The following PCDHB14 variants were observed in gnomAD, a reference collection of about 807,000 sequenced individuals.
PCDHB14 encodes the protein protocadherin beta 14, also known as protocadherin beta-14.
For missense variants in PCDHB14, 1,129 were observed against 1,000.5 expected (o/e 1.13, Z -1.73); for synonymous variants, 511 against 441.5 (o/e 1.16, Z -1.97).
rs199917826 is a variant in PCDHB14, at chr5:141,225,354, G to C, written c.1849G>C (p.Val617Leu). Residue 617 changes from valine to leucine, a missense_variant, in exon 1 of 1, where the codon GTG becomes CTG. Val to Leu is a conservative substitution (Grantham distance 32, BLOSUM62 1). Coordinates refer to ENST00000239449, the MANE Select transcript of PCDHB14 (RefSeq NM_018934.4). Reference protein sequence around the residue: ...LKATEPGLFGVWAHNGEVRTA... With the variant: ...LKATEPGLFGLWAHNGEVRTA... ...GGCCACGGAGCCCGGGCTGTTCGGC[G>C]TGTGGGCGCACAATGGCGAGGTGCG... 3.1e-6 allele frequency: 5 copies of C among 1,603,410 alleles called. No individual in the cohort carries two copies. The South Asian group carries it at 5.5e-5, about 18-fold the overall frequency.
rs144410995 is a variant in PCDHB14, at chr5:141,224,714, A to G, written c.1209A>G (p.Leu403=). The change falls in exon 1 of 1, where the codon CTA becomes CTG. Residue 403 remains leucine, a synonymous_variant. Transcript: ENST00000239449. ...CGACCTTCAAGAACTTTTTCACTCT[A>G]GTTTCTGAAAAAGCACTGGACAGAG... is the stretch of plus-strand genomic sequence containing the variant. ...LKPTFKNFFT[L]VSEKALDRES... The G allele has an allele frequency of 8.7e-6, 14 of 1,613,960 alleles. No individual in the cohort carries two copies. The African/African-American group carries it at 1.1e-4, about 12-fold the overall frequency.
chr5:141,224,329 GA>G lies in PCDHB14; in HGVS notation c.829del (p.Ile277TyrfsTer27), dbSNP rs782739146. On this transcript the variant is annotated frameshift_variant, in exon 1 of 1. Coordinates refer to ENST00000239449, the MANE Select transcript of PCDHB14 (RefSeq NM_018934.4). LOFTEE classifies it low-confidence loss of function (END_TRUNC). ...AAGGATCTGGATGCAGGAAACTATG[GA>G]AAAATATCTTACACATTTTTCCATG... is the stretch of plus-strand genomic sequence containing the variant. The part of the protein sequence containing the change: ...SAKDLDAGNY[G>X]KISYTFFHAS... The G allele has an allele frequency of 1.2e-6, 2 of 1,613,352 alleles. No homozygotes were observed. Among genetic ancestry groups the G allele is most frequent in the South Asian group, 2.2e-5 (2 of 90,946 alleles).
rs1554289104 is a variant in PCDHB14, at chr5:141,224,170, A to G, written c.665A>G (p.Lys222Arg). 2 of 1,614,110 alleles carry G rather than the reference A, an allele frequency of 1.2e-6. No homozygotes were observed. The highest frequency in any genetic ancestry group is 1.7e-6 in the Non-Finnish European group (2 of 1,180,032). Residue 222 changes from lysine (K) to arginine (R), a missense_variant, in exon 1 of 1, where the codon AAG (lysine) becomes AGG (arginine). Lys to Arg is a conservative substitution (Grantham distance 26). Transcript: ENST00000239449. ...GCAGTGGATGGTGGATCCCCGCCCA[A>G]GTCTGGGACAACTTTGGTTCTCATC... The part of the protein sequence containing the change: ...LTAVDGGSPP[K>R]SGTTLVLIKV...
At position 141,224,491 on chromosome 5, in the gene PCDHB14, G is replaced by A. The variant is rs781992834; in HGVS notation, c.986G>A (p.Gly329Glu). The part of the protein sequence containing the change: ...IQATDGGGLS[G>E]KCTLLVKVMD... ...GCAACAGATGGTGGGGGTCTTTCAG[G>A]AAAATGCACCCTTCTAGTTAAAGTT... The change falls in exon 1 of 1, where the codon GGA (glycine) becomes GAA (glutamate). Residue 329 changes from glycine to glutamate, a missense_variant. Gly to Glu is a moderately conservative substitution (Grantham distance 98, BLOSUM62 -2). Coordinates refer to ENST00000239449, the MANE Select transcript of PCDHB14 (RefSeq NM_018934.4). The A allele has an allele frequency of 1.1e-5, 17 of 1,613,378 alleles. No homozygotes were observed. The South Asian group carries it at 1.6e-4, about 16-fold the overall frequency.
chr5:141,224,467 C>G lies in PCDHB14; in HGVS notation c.962C>G (p.Ala321Gly). The stretch of plus-strand genomic sequence containing the variant: ...CAGTCCTACACTATAAATATTCAGG[C>G]AACAGATGGTGGGGGTCTTTCAGGA... ...VIQSYTINIQATDGGGLSGKC... is the reference protein window; with the variant it reads ...VIQSYTINIQGTDGGGLSGKC... Residue 321 changes from alanine (A) to glycine (G), a missense_variant, in exon 1 of 1, where the codon GCA (alanine) becomes GGA (glycine). Transcript: ENST00000239449. 1.9e-6 allele frequency: 3 copies of G among 1,612,280 alleles called. No individual in the cohort carries two copies. The highest frequency in any genetic ancestry group is 2.5e-6 in the Non-Finnish European group (3 of 1,179,306).
rs142548755 is a variant in PCDHB14, at chr5:141,225,069, G to C, written c.1564G>C (p.Glu522Gln). ...HLFALRSLDY[E>Q]ALQEFEFRVG... ...GTTTGCCCTCAGGTCGCTGGACTACGAGGCCCTACAGGAGTTCGAGTTTCG... is the reference window on the plus strand; with the variant it reads ...GTTTGCCCTCAGGTCGCTGGACTACCAGGCCCTACAGGAGTTCGAGTTTCG... The change falls in exon 1 of 1, where the codon GAG becomes CAG. Residue 522 changes from glutamate (E) to glutamine (Q), a missense_variant. By Grantham distance (29) the Glu-to-Gln change is conservative (BLOSUM62 2). Coordinates refer to ENST00000239449, the MANE Select transcript of PCDHB14 (RefSeq NM_018934.4). 1,286 of 1,612,418 alleles carry C rather than the reference G, an allele frequency of 8.0e-4. 6 individuals carry two copies. In the African/African-American group the frequency reaches 0.016, roughly 20 times the overall value.
In PCDHB14 at chr5:141,224,703, T is replaced by G; in HGVS notation, c.1198T>G (p.Phe400Val). 1 of 1,614,094 alleles carries G rather than the reference T, an allele frequency of 6.2e-7. No homozygotes were observed. Among genetic ancestry groups the G allele is most frequent in the South Asian group, 1.1e-5 (1 of 91,076 alleles). The change falls in exon 1 of 1, where the codon TTT (phenylalanine) becomes GTT (valine). Residue 400 changes from phenylalanine to valine, a missense_variant. Coordinates refer to ENST00000239449, the MANE Select transcript of PCDHB14 (RefSeq NM_018934.4). ...TTTCCTGAAACCGACCTTCAAGAAC[T>G]TTTTCACTCTAGTTTCTGAAAAAGC... is the stretch of plus-strand genomic sequence containing the variant. ...PFFLKPTFKN[F>V]FTLVSEKALD...
rs143061094 is a variant in PCDHB14 at position 141,223,667 on chromosome 5, G to T, written c.162G>T (p.Leu54=). Residue 54 remains leucine (L), a synonymous_variant, in exon 1 of 1, where the codon CTG becomes CTT. Transcript: ENST00000239449. ...FVANLARDLG[L]GVEELSSREA... ...CTAATCTAGCGAGGGACCTAGGGCTGGGGGTGGAGGAGCTGTCTTCACGTG... is the reference window on the plus strand; with the variant it reads ...CTAATCTAGCGAGGGACCTAGGGCTTGGGGTGGAGGAGCTGTCTTCACGTG... The T allele has an allele frequency of 6.2e-7, 1 of 1,614,118 alleles. No individual in the cohort carries two copies. The highest frequency in any genetic ancestry group is 8.5e-7 in the Non-Finnish European group (1 of 1,179,988).
In PCDHB14 at chr5:141,226,214, G is replaced by T; in HGVS notation, c.*312G>T. 1 of 259,520 alleles carries T rather than the reference G, an allele frequency of 3.9e-6. No homozygotes were observed. The highest frequency in any genetic ancestry group is 8.0e-5 in the South Asian group (1 of 12,440). 16.1% of individuals were successfully genotyped at this position (259,520 alleles called of 1,614,324 possible). A position where few individuals can be genotyped will look rare whatever the true frequency, so the allele number is the denominator to read the frequency against. ...GGATATGCAAACTAAAGTATTAAGA[G>T]CTAATGTCATTATATATGTAACTTA... On this transcript the variant is annotated 3_prime_UTR_variant, in exon 1 of 1. Transcript: ENST00000239449.
Position 141,225,105 on chromosome 5 carries a change from A to T in PCDHB14, c.1600A>T (p.Thr534Ser). The part of the protein sequence containing the change: ...LQEFEFRVGA[T>S]DRGSPALSSE... ...GGAGTTCGAGTTTCGCGTGGGCGCC[A>T]CAGACCGCGGGTCCCCGGCGTTGAG... Residue 534 changes from threonine (T) to serine (S), a missense_variant, in exon 1 of 1, where the codon ACA (threonine) becomes TCA (serine). By Grantham distance (58) the Thr-to-Ser change is moderately conservative. Transcript: ENST00000239449. 4 of 1,612,096 alleles carry T rather than the reference A, an allele frequency of 2.5e-6. No homozygotes were observed. Among genetic ancestry groups the T allele is most frequent in the Non-Finnish European group, 3.4e-6 (4 of 1,179,846 alleles).
Position 141,223,612 on chromosome 5 carries a change from C to T in PCDHB14, c.107C>T (p.Ala36Val). The change falls in exon 1 of 1, where the codon GCA becomes GTA. Residue 36 changes from alanine (A) to valine (V), a missense_variant. Ala to Val is a moderately conservative substitution (Grantham distance 64). Coordinates refer to ENST00000239449, the MANE Select transcript of PCDHB14 (RefSeq NM_018934.4). ...ACTGAATCTGCACACTATTCTGTGGCAGAGGAAACAGAAATTGGCTCTTTT... is the reference window on the plus strand; with the variant it reads ...ACTGAATCTGCACACTATTCTGTGGTAGAGGAAACAGAAATTGGCTCTTTT... The part of the protein sequence containing the change: ...AGTESAHYSV[A>V]EETEIGSFVA... The T allele has an allele frequency of 6.2e-7, 1 of 1,614,146 alleles. No individual in the cohort carries two copies.
rs113077866 is a variant in PCDHB14, at chr5:141,223,724, G to C, written c.219G>C (p.Lys73Asn). The C allele has an allele frequency of 5.0e-6, 8 of 1,614,062 alleles. No homozygotes were observed. In the African/African-American group the frequency reaches 9.3e-5, roughly 19 times the overall value. The change falls in exon 1 of 1, where the codon AAG (lysine) becomes AAC (asparagine). Residue 73 changes from lysine to asparagine, a missense_variant. By Grantham distance (94) the Lys-to-Asn change is moderately conservative (BLOSUM62 0). Coordinates refer to ENST00000239449, the MANE Select transcript of PCDHB14 (RefSeq NM_018934.4). Reference protein sequence around the residue: ...EARVVSDDNKKYLHLDLLTGN... With the variant: ...EARVVSDDNKNYLHLDLLTGN... ...GGGTAGTGTCTGATGATAATAAAAA[G>C]TATTTGCACCTTGATTTGCTGACTG...
rs1554289683 is a variant in PCDHB14 at position 141,226,891 on chromosome 5, C to T, written c.*989C>T. ...TGTTGTCCAGGCTAGAGAGTAGTGG[C>T]AGGATCTTGGCTCACTGCAGCCTCG... On this transcript the variant is annotated 3_prime_UTR_variant, in exon 1 of 1. Coordinates refer to ENST00000239449, the MANE Select transcript of PCDHB14 (RefSeq NM_018934.4). The T allele has an allele frequency of 1.3e-5, 2 of 152,224 alleles. No homozygotes were observed. The highest frequency in any genetic ancestry group is 2.4e-5 in the African/African-American group (1 of 41,440). The allele number at this position is 152,224 out of a possible 1,614,324, so 9.4% of individuals were successfully genotyped here. A position where few individuals can be genotyped will look rare whatever the true frequency, so the allele number is the denominator to read the frequency against.
rs1264667515 is a variant in PCDHB14, at chr5:141,224,071, A to G, written c.566A>G (p.Lys189Arg). The G allele has an allele frequency of 2.5e-6, 4 of 1,613,844 alleles. No homozygotes were observed. Among genetic ancestry groups the G allele is most frequent in the African/African-American group, 2.7e-5 (2 of 74,912 alleles). Reference protein sequence around the residue: ...YIKIPDSSDRKIYPELVLDRA... With the variant: ...YIKIPDSSDRRIYPELVLDRA... ...AAAATTCCCGACAGTAGTGACAGAA[A>G]GATATACCCAGAGCTGGTCCTAGAT... The change falls in exon 1 of 1, where the codon AAG (lysine) becomes AGG (arginine). Residue 189 changes from lysine (K) to arginine (R), a missense_variant. Coordinates refer to ENST00000239449, the MANE Select transcript of PCDHB14 (RefSeq NM_018934.4).
rs782764173 is a variant in PCDHB14 at position 141,224,201 on chromosome 5, G to A, written c.696G>A (p.Val232=). Residue 232 remains valine, a synonymous_variant, in exon 1 of 1, where the codon GTG becomes GTA. Transcript: ENST00000239449. ...KSGTTLVLIK[V]LDINDNAPEF... is the part of the protein sequence containing the mutation. The stretch of plus-strand genomic sequence containing the variant: ...GGACAACTTTGGTTCTCATCAAGGT[G>A]TTGGACATCAATGATAATGCCCCTG... The A allele has an allele frequency of 3.1e-6, 5 of 1,613,884 alleles. No individual in the cohort carries two copies. The highest frequency in any genetic ancestry group is 1.7e-5 in the Admixed American group (1 of 59,998).
rs782313425 is a variant in PCDHB14, at chr5:141,225,565, C to T, written c.2060C>T (p.Thr687Ile). Residue 687 changes from threonine (T) to isoleucine (I), a missense_variant, in exon 1 of 1, where the codon ACC (threonine) becomes ATC (isoleucine). Coordinates refer to ENST00000239449, the MANE Select transcript of PCDHB14 (RefSeq NM_018934.4). Reference protein sequence around the residue: ...APAQAQADSLTVYLVVALASV... With the variant: ...APAQAQADSLIVYLVVALASV... ...GCCCAGGCCCAGGCCGACTCCCTCA[C>T]CGTCTACCTGGTGGTGGCATTGGCC... 1.2e-5 allele frequency: 19 copies of T among 1,611,034 alleles called. 1 individual carries two copies. The Admixed American group carries it at 3.0e-4, about 25-fold the overall frequency.
rs1554289736 is a variant in PCDHB14 at position 141,227,503 on chromosome 5, G to A, written c.*1601G>A. Reference sequence around the variant, plus strand: ...TAGAGATTTTGATAACTGGAATGTAGTATGGATATAGGGCTGGTGTACATA... The same window carrying A: ...TAGAGATTTTGATAACTGGAATGTAATATGGATATAGGGCTGGTGTACATA... On this transcript the variant is annotated 3_prime_UTR_variant, in exon 1 of 1. Coordinates refer to ENST00000239449, the MANE Select transcript of PCDHB14 (RefSeq NM_018934.4). 1 of 152,172 alleles carries A rather than the reference G, an allele frequency of 6.6e-6. No individual in the cohort carries two copies. Among genetic ancestry groups the A allele is most frequent in the Non-Finnish European group, 1.5e-5 (1 of 68,016 alleles). The allele number at this position is 152,172 out of a possible 1,614,324, so 9.4% of individuals were successfully genotyped here.
In PCDHB14 at chr5:141,224,273, C is replaced by T. The variant is rs781892701; in HGVS notation, c.768C>T (p.Pro256=). ...AGGTGCAAGTCCCCGAGGACAGACCCCTTGGCTCCTGGATTGCCACCATCT... is the reference window on the plus strand; with the variant it reads ...AGGTGCAAGTCCCCGAGGACAGACCTCTTGGCTCCTGGATTGCCACCATCT... ...LYEVQVPEDR[P]LGSWIATISA... is the part of the protein sequence containing the mutation. The change falls in exon 1 of 1, where the codon CCC becomes CCT. Residue 256 remains proline, a synonymous_variant. Coordinates refer to ENST00000239449, the MANE Select transcript of PCDHB14 (RefSeq NM_018934.4). 7 of 1,613,894 alleles carry T rather than the reference C, an allele frequency of 4.3e-6. No individual in the cohort carries two copies. Among genetic ancestry groups the T allele is most frequent in the South Asian group, 2.2e-5 (2 of 91,050 alleles).
Position 141,224,240 on chromosome 5 carries a change from T to A in PCDHB14, c.735T>A (p.Ser245Arg). 6.2e-7 allele frequency: 1 copy of A among 1,613,560 alleles called. No homozygotes were observed. The highest frequency in any genetic ancestry group is 8.5e-7 in the Non-Finnish European group (1 of 1,179,728). ...ATAATGCCCCTGAGTTTCCTCAGAG[T>A]CTCTATGAGGTGCAAGTCCCCGAGG... ...INDNAPEFPQ[S>R]LYEVQVPEDR... The change falls in exon 1 of 1, where the codon AGT becomes AGA. Residue 245 changes from serine (S) to arginine (R), a missense_variant. Physicochemically the swap from Ser to Arg is moderately radical, Grantham distance 110. Transcript: ENST00000239449.
Sources: allele counts gnomAD v4.1 joint callset, GRCh38; gene constraint gnomAD v4.1.1; transcripts MANE v1.5; gene names NCBI Gene and HGNC (gene_info 2026-07-23, HGNC 2026-07-21).